SEL1L2: variants seen among roughly 807,000 people sequenced by gnomAD.
SEL1L2 encodes protein sel-1 homolog 2.
A neutral mutation model predicts 98.8 loss-of-function variants in SEL1L2; 89 were observed. That is an observed-to-expected ratio of 0.90 (90% CI 0.76 to 1.07). The LOEUF is 1.07. Among genes scored for constraint, SEL1L2 ranks in the 50% least tolerant of loss-of-function variants. The probability of loss-of-function intolerance (pLI) is 0.00; values close to 1 mark genes in which losing one functional copy is unlikely to be tolerated. For synonymous variants in SEL1L2, 262 were observed against 278.5 expected, an observed-to-expected ratio of 0.94 and a Z score of 0.59; for missense variants, 788 against 812.0, an observed-to-expected ratio of 0.97 and a Z score of 0.36.
At chr20:13,911,681 T>C (rs1460543572) in intron 5 of SEL1L2, among the ~76,000 whole-genome samples, 1 of 152,150 alleles carries the variant, frequency 6.6e-6, no homozygotes, top group African/African-American at 2.4e-5. Flanking sequence ...TGTCGGTCTG[T>C]ATATATTAAC....
chr20:13,896,461 C>T (rs1161305334), intron 5 of SEL1L2, among the ~76,000 whole-genome samples: 3 of 151,622 alleles, frequency 2.0e-5, no homozygotes, highest in Admixed American at 6.6e-5. Flanking sequence ...CAGAGTGGGA[C>T]GCAGTCTCAA....
chr20:13,905,837 A>G (rs534046479), intron 5 of SEL1L2, among the ~76,000 whole-genome samples: 1 of 151,902 alleles, frequency 6.6e-6, no homozygotes, highest in Admixed American at 6.6e-5. Flanking sequence ...CAAGCTCAGC[A>G]AATTGTTTGT....
chr20:13,853,382 A>ATTT (rs34049013), intron 18 of SEL1L2, among the ~76,000 whole-genome samples: 1 of 142,868 alleles, frequency 7.0e-6, no homozygotes, highest in African/African-American at 2.6e-5. Context: ...TGATTTTTGT[A>ATTT]TTTTTTTTTT....
intron 2 of SEL1L2, among the ~76,000 whole-genome samples, 198 bp from the exon 3 acceptor site, chr20:13,931,969 T>C (rs2049164415): frequency 6.6e-6 from 1 of 152,230 alleles, no homozygotes; most frequent in African/African-American, 2.4e-5. Context: ...AATAAAAACC[T>C]TTTAAATCTA....
chr20:13,945,043 G>A (rs1346427566), intron 2 of SEL1L2, among the ~76,000 whole-genome samples: 1 of 152,132 alleles, frequency 6.6e-6, no homozygotes, highest in African/African-American at 2.4e-5. Flanking sequence ...CCCAGAAGGA[G>A]GAATTGAGTA....
upstream of SEL1L2, among the ~76,000 whole-genome samples, chr20:13,993,364 G>A (rs538683592): frequency 3.3e-5 from 5 of 152,314 alleles, no homozygotes; most frequent in African/African-American, 9.6e-5. Context: ...CATTCGAAGA[G>A]ATGGGGAAAA....
chr20:13,983,267 T>G (rs2148561487), intron 1 of SEL1L2, among the ~76,000 whole-genome samples: 1 of 151,974 alleles, frequency 6.6e-6, no homozygotes, highest in East Asian at 1.9e-4. Context: ...CAGGGACAAT[T>G]GAATAGTTAT....
At chr20:13,983,862 C>T (rs555851222) in intron 1 of SEL1L2, among the ~76,000 whole-genome samples, 1 of 151,950 alleles carries the variant, frequency 6.6e-6, no homozygotes, top group Non-Finnish European at 1.5e-5. Context: ...CTTCCACTAA[C>T]TCCTTCCCTG....
rs71188200 is a variant in SEL1L2 at position 13,934,476 on chromosome 20, C to CATATATATATATTCCATATAT, written c.115-2706_115-2705insATATATGGAATATATATATAT. Among the ~76,000 whole-genome samples the CATATATATATATTCCATATAT allele has an allele frequency of 3.3e-3, 2 of 614 alleles. 1 individual carries two copies. 0.4% of individuals were successfully genotyped at this position (614 alleles called of 152,430 possible). On this transcript the variant is annotated intron_variant, in intron 2 of 19. Coordinates refer to ENST00000284951, the MANE Select transcript of SEL1L2 (RefSeq NM_025229.2). The stretch of plus-strand genomic sequence containing the variant: ...ATATATATTCCATATATATATATTC[C>CATATATATATATTCCATATAT]ATATATATATATGTCACAGTTTCTT...
At chr20:13,855,719 G>GGAT (rs1351124504) in intron 18 of SEL1L2, among the ~76,000 whole-genome samples, 2 of 152,228 alleles carry the variant, frequency 1.3e-5, no homozygotes, top group Admixed American at 6.5e-5. Flanking sequence ...TTCAGCCAAT[G>GGAT]GATGGGAAAG....
chr20:13,920,228 A>C (rs1173334088), intron 3 of SEL1L2, among the ~76,000 whole-genome samples: 7 of 21,110 alleles, frequency 3.3e-4, no homozygotes, highest in Admixed American at 6.8e-4. Flanking sequence ...ACTCCGTCCC[A>C]AAAAAAAAAA....
rs5840588 is a variant in SEL1L2 at position 13,917,786 on chromosome 20, C to CTTTTTTTTTTTTTTTTTTTTTTT, written c.386+1212_386+1234dup. On this transcript the variant is annotated intron_variant, in intron 4 of 19. Transcript: ENST00000284951. ...CCATACTTTCTTTATTTCTTTCTTT[C>CTTTTTTTTTTTTTTTTTTTTTTT]TTTTTTTTTTTTTTTTTTTTTTTTT... Among the ~76,000 whole-genome samples the CTTTTTTTTTTTTTTTTTTTTTTT allele has an allele frequency of 1.1e-3, 53 of 50,100 alleles. 5 individuals are homozygous for CTTTTTTTTTTTTTTTTTTTTTTT. Among genetic ancestry groups the CTTTTTTTTTTTTTTTTTTTTTTT allele is most frequent in the African/African-American group, 2.1e-3 (23 of 11,018 alleles). 32.9% of individuals were successfully genotyped at this position (50,100 alleles called of 152,430 possible).
intron 5 of SEL1L2, among the ~76,000 whole-genome samples, chr20:13,908,440 G>A (rs1218305471): frequency 6.6e-6 from 1 of 152,084 alleles, no homozygotes; most frequent in Non-Finnish European, 1.5e-5. Context: ...GACTCTTAAA[G>A]CAAATGAGAT....
intron 3 of SEL1L2, among the ~76,000 whole-genome samples, chr20:13,922,319 T>G (rs937638617): frequency 1.9e-4 from 29 of 152,348 alleles, no homozygotes; most frequent in African/African-American, 6.3e-4. Flanking sequence ...ACCTGATTAT[T>G]GTAAATATAT....
At chr20:13,924,995 C>G (rs1030832189) in intron 3 of SEL1L2, among the ~76,000 whole-genome samples, 1 of 151,890 alleles carries the variant, frequency 6.6e-6, no homozygotes, top group Non-Finnish European at 1.5e-5. Flanking sequence ...AAAAATTAGC[C>G]GGGCATAGTG....
intron 2 of SEL1L2, among the ~76,000 whole-genome samples, chr20:13,945,991 T>G (rs1169568364): frequency 6.6e-6 from 1 of 152,126 alleles, no homozygotes; most frequent in Non-Finnish European, 1.5e-5. Context: ...ATGGTTAATA[T>G]CATACTCAAT....
At chr20:13,944,103 G>T (rs990316188) in intron 2 of SEL1L2, among the ~76,000 whole-genome samples, 1 of 152,110 alleles carries the variant, frequency 6.6e-6, no homozygotes, top group Admixed American at 6.5e-5. Flanking sequence ...CTAGGAATTT[G>T]TCTGTCTTCT....
chr20:13,875,781 G>T (rs2147898642), intron 12 of SEL1L2, among the ~76,000 whole-genome samples: 1 of 152,218 alleles, frequency 6.6e-6, no homozygotes, highest in East Asian at 1.9e-4. Flanking sequence ...CTGAACTTCT[G>T]TCTGGCTGAA....
At chr20:13,854,905 G>A (rs1176912617) in intron 18 of SEL1L2, among the ~76,000 whole-genome samples, 1 of 152,092 alleles carries the variant, frequency 6.6e-6, no homozygotes, top group Non-Finnish European at 1.5e-5. Context: ...ACTAAAATTA[G>A]CTGGGCATAG....
Sources: gnomAD v4.1 joint callset for allele counts (sites outside exome capture counted in the v4.1 genomes callset) on GRCh38, gnomAD v4.1.1 for gene constraint, MANE v1.5 for transcripts, NCBI Gene and HGNC (gene_info 2026-07-23, HGNC 2026-07-21) for gene names.